HS6ST3: variants seen among roughly 807,000 people sequenced by gnomAD.
The protein encoded by HS6ST3 is heparan-sulfate 6-O-sulfotransferase 3.
A neutral mutation model predicts 36.7 loss-of-function variants in HS6ST3; 12 were observed. The ratio of observed to expected loss-of-function variants is 0.33; its 90% CI spans 0.21 to 0.53. The LOEUF (loss-of-function observed/expected upper bound fraction) is 0.53. Among genes scored for constraint, HS6ST3 ranks in the 20% least tolerant of loss-of-function variants. The pLI, the probability that HS6ST3 is intolerant of heterozygous loss-of-function variation, is 0.95. For synonymous variants in HS6ST3, 240 were observed against 257.5 expected (o/e 0.93, Z 0.65); for missense variants, 584 against 640.9 (o/e 0.91, Z 0.96).
chr13:96,485,530 C>T lies in HS6ST3; in HGVS notation c.708-346960C>T, dbSNP rs1180742868. Among the ~76,000 whole-genome samples the T allele has an allele frequency of 3.9e-5, 6 of 152,184 alleles. No homozygotes were observed. In the East Asian group the frequency reaches 1.2e-3, roughly 29 times the overall value. ...ATAGATAATCATCTGTGAACTAAAG[C>T]AATTTTATTTCTTCCTTCCTAATCA... On this transcript the variant is annotated intron_variant, in intron 1 of 1. Transcript: ENST00000376705.
At chr13:96,232,262 T>G (rs1303094241) in intron 1 of HS6ST3, among the ~76,000 whole-genome samples, 1 of 152,074 alleles carries the variant, frequency 6.6e-6, no homozygotes, top group Non-Finnish European at 1.5e-5. Flanking sequence ...AAGTAGGTGT[T>G]GGGATGGATG....
chr13:96,530,999 T>C (rs753357247), intron 1 of HS6ST3, among the ~76,000 whole-genome samples: 4 of 152,132 alleles, frequency 2.6e-5, no homozygotes, highest in Non-Finnish European at 5.9e-5. Flanking sequence ...GTAGCAATGA[T>C]TTAGATCATT....
chr13:96,637,622 G>A (rs1389093933), intron 1 of HS6ST3, among the ~76,000 whole-genome samples: 1 of 152,062 alleles, frequency 6.6e-6, no homozygotes, highest in Non-Finnish European at 1.5e-5. Flanking sequence ...CAAGGCCTTA[G>A]AAGTTACATG....
chr13:96,211,105 A>AT (rs1432635945), intron 1 of HS6ST3, among the ~76,000 whole-genome samples: 2 of 149,260 alleles, frequency 1.3e-5, no homozygotes, highest in Non-Finnish European at 3.0e-5. Context: ...TAATTTTTGT[A>AT]TTTTTTGGTA....
rs867195516 is a variant in HS6ST3 at position 96,312,364 on chromosome 13, C to T, written c.707+220795C>T. On this transcript the variant is annotated intron_variant, in intron 1 of 1. Coordinates refer to ENST00000376705, the MANE Select transcript of HS6ST3 (RefSeq NM_153456.4). The stretch of plus-strand genomic sequence containing the variant: ...AGTTTTCTTCATTATTAGTTTCTAA[C>T]GTGATTACATTGTCGTCAGTGAATG... 9.9e-5 allele frequency among the ~76,000 whole-genome samples: 15 copies of T among 152,184 alleles called. No homozygotes were observed. In the East Asian group the frequency reaches 1.5e-3, roughly 16 times the overall value.
intron 1 of HS6ST3, among the ~76,000 whole-genome samples, chr13:96,234,296 G>C (rs1357924993): frequency 1.3e-5 from 2 of 152,050 alleles, no homozygotes; most frequent in African/African-American, 4.8e-5. Context: ...TGTAATCCCA[G>C]CTACTAGGGA....
chr13:96,191,358 T>C (rs1158028575), intron 1 of HS6ST3, among the ~76,000 whole-genome samples: 2 of 152,212 alleles, frequency 1.3e-5, no homozygotes, highest in Non-Finnish European at 2.9e-5. Flanking sequence ...CTTTGCTGCG[T>C]ATACACACAA....
chr13:96,570,197 A>T (rs910607213), intron 1 of HS6ST3, among the ~76,000 whole-genome samples: 1 of 152,128 alleles, frequency 6.6e-6, no homozygotes, highest in African/African-American at 2.4e-5. Flanking sequence ...TTAATGCACA[A>T]CCTATGATAC....
intron 1 of HS6ST3, among the ~76,000 whole-genome samples, chr13:96,195,815 T>C (rs920788815): frequency 6.6e-6 from 1 of 152,158 alleles, no homozygotes; most frequent in Admixed American, 6.5e-5. Flanking sequence ...AGTTCCCTTG[T>C]TTGCCAAACC....
rs747439262 is a variant in HS6ST3 at position 96,459,100 on chromosome 13, TA to T, written c.707+367556del. On this transcript the variant is annotated intron_variant, in intron 1 of 1. Coordinates refer to ENST00000376705, the MANE Select transcript of HS6ST3 (RefSeq NM_153456.4). ...GCCTGGGCGACAGAGCAAGACTGTC[TA>T]AAAAAAAAAAAAAAAAAAAAAAAAG... is the stretch of plus-strand genomic sequence containing the variant. Among the ~76,000 whole-genome samples, 186 of 63,866 alleles carry T rather than the reference TA, an allele frequency of 2.9e-3. 1 individual carries two copies. The highest frequency in any genetic ancestry group is 0.014 in the African/African-American group (153 of 11,128). The allele number at this position is 63,866 out of a possible 152,430, so 41.9% of individuals were successfully genotyped here. A position where few individuals can be genotyped will look rare whatever the true frequency, so the allele number is the denominator to read the frequency against.
At chr13:96,647,456 T>A (rs1264455359) in intron 1 of HS6ST3, among the ~76,000 whole-genome samples, 1 of 151,892 alleles carries the variant, frequency 6.6e-6, no homozygotes, top group Admixed American at 6.6e-5. Flanking sequence ...CCTAATGCCC[T>A]TTTTTTCAGT....
chr13:96,821,731 A>T (rs1195051180), intron 1 of HS6ST3, among the ~76,000 whole-genome samples: 1 of 152,194 alleles, frequency 6.6e-6, no homozygotes, highest in East Asian at 1.9e-4. Flanking sequence ...ATCAGATTGG[A>T]ATCTCACAAG....
chr13:96,340,861 C>T (rs1747158813), intron 1 of HS6ST3, among the ~76,000 whole-genome samples: 1 of 152,178 alleles, frequency 6.6e-6, no homozygotes, highest in African/African-American at 2.4e-5. Context: ...TCTTCAACTG[C>T]CTTAGCTTCC....
intron 1 of HS6ST3, among the ~76,000 whole-genome samples, chr13:96,490,968 T>C (rs1483486075): frequency 6.6e-6 from 1 of 152,190 alleles, no homozygotes; most frequent in East Asian, 1.9e-4. Context: ...CTGCCATGTA[T>C]TTAGGATATG....
At chr13:96,187,933 G>T (rs2054271910) in intron 1 of HS6ST3, among the ~76,000 whole-genome samples, 1 of 152,254 alleles carries the variant, frequency 6.6e-6, no homozygotes, top group East Asian at 1.9e-4. Context: ...TGTCTATGTT[G>T]GTCCTCTTCT....
chr13:96,543,630 G>A (rs763818599), intron 1 of HS6ST3, among the ~76,000 whole-genome samples: 4 of 152,024 alleles, frequency 2.6e-5, no homozygotes, highest in African/African-American at 4.8e-5. Flanking sequence ...CATTAGATCC[G>A]AAGCCAAGCC....
intron 1 of HS6ST3, among the ~76,000 whole-genome samples, chr13:96,547,465 A>G (rs1339625876): frequency 6.6e-6 from 1 of 152,204 alleles, no homozygotes; most frequent in South Asian, 2.1e-4. Flanking sequence ...GACAGGTACT[A>G]TGTTAATTTG....
intron 1 of HS6ST3, among the ~76,000 whole-genome samples, chr13:96,648,886 T>C (rs2056598214): frequency 6.6e-6 from 1 of 152,124 alleles, no homozygotes; most frequent in South Asian, 2.1e-4. Context: ...CATATTTTCT[T>C]TATCCAGTCT....
At chr13:96,679,842 C>T (rs765605772) in intron 1 of HS6ST3, among the ~76,000 whole-genome samples, 1 of 152,080 alleles carries the variant, frequency 6.6e-6, no homozygotes, top group Non-Finnish European at 1.5e-5. Context: ...TGCTGGGGTC[C>T]AACAATGGGA....
Sources: gnomAD v4.1 joint callset for allele counts (sites outside exome capture counted in the v4.1 genomes callset) on GRCh38, gnomAD v4.1.1 for gene constraint, MANE v1.5 for transcripts, NCBI Gene and HGNC (gene_info 2026-07-23, HGNC 2026-07-21) for gene names.